CSMD1: variants seen among roughly 807,000 people sequenced by gnomAD.
CSMD1 encodes CUB and Sushi multiple domains 1, also known as CUB and sushi domain-containing protein 1.
A neutral mutation model predicts 417.5 loss-of-function variants in CSMD1; 213 were observed. The ratio of observed to expected loss-of-function variants is 0.51; its 90% CI spans 0.46 to 0.57. CSMD1 has a LOEUF of 0.57. CSMD1 is among the 20% of genes least tolerant of loss of function. CSMD1 has a pLI of 0.00. For missense variants in CSMD1, 6,923 were observed against 4,529.7 expected (o/e 1.53, Z -15.17); for synonymous variants, 2,862 against 1,736.8 (o/e 1.65, Z -16.11).
chr8:3,095,442 T>C (rs1046490880), intron 47 of CSMD1, among the ~76,000 whole-genome samples: 9 of 152,194 alleles, frequency 5.9e-5, no homozygotes, highest in African/African-American at 1.9e-4. Flanking sequence ...TTTGTTTTAA[T>C]ATACACATTT....
intron 50 of CSMD1, among the ~76,000 whole-genome samples, chr8:3,049,110 G>T (rs1353176660): frequency 6.6e-6 from 1 of 152,130 alleles, no homozygotes; most frequent in African/African-American, 2.4e-5. Context: ...TGGGGCAACA[G>T]GAACTCTCAC....
At chr8:3,401,570 T>C (rs1812040574) in intron 15 of CSMD1, among the ~76,000 whole-genome samples, 1 of 152,182 alleles carries the variant, frequency 6.6e-6, no homozygotes, top group Admixed American at 6.5e-5. Flanking sequence ...TTAGTCAGTT[T>C]GGATTAGATT....
intron 7 of CSMD1, among the ~76,000 whole-genome samples, chr8:3,624,266 G>C (rs937694100): frequency 6.6e-6 from 1 of 152,114 alleles, no homozygotes; most frequent in East Asian, 1.9e-4. Context: ...CCATCTGTTA[G>C]CAAATTTCCT....
chr8:4,242,037 G>C (rs988464575), intron 3 of CSMD1, among the ~76,000 whole-genome samples: 11 of 152,074 alleles, frequency 7.2e-5, no homozygotes, highest in African/African-American at 2.4e-4. Context: ...AATACCTTTT[G>C]ACTTTGTGAA....
At chr8:4,258,199 C>T (rs373596341) in intron 3 of CSMD1, among the ~76,000 whole-genome samples, 3 of 149,810 alleles carry the variant, frequency 2.0e-5, no homozygotes, top group African/African-American at 4.9e-5. Flanking sequence ...CCTGGCTTGG[C>T]CTTCCAAAGT....
At chr8:4,858,864 C>T (rs1447095798) in intron 1 of CSMD1, among the ~76,000 whole-genome samples, 4 of 149,406 alleles carry the variant, frequency 2.7e-5, no homozygotes, top group Non-Finnish European at 3.0e-5. Flanking sequence ...AGATTCAATG[C>T]CATCCCCATC....
At chr8:4,199,895 A>C (rs1449860058) in intron 3 of CSMD1, among the ~76,000 whole-genome samples, 1 of 152,158 alleles carries the variant, frequency 6.6e-6, no homozygotes, top group Non-Finnish European at 1.5e-5. Flanking sequence ...CCTTAGTGGA[A>C]GACAAGTCAT....
chr8:3,973,737 T>C lies in CSMD1; in HGVS notation c.818+24166A>G, dbSNP rs193201272. ...CTTTGCAAGAACAGTGGCTATTTCA[T>C]TGATACACTAATGCAAACCAACCAG... On this transcript the variant is annotated intron_variant, in intron 5 of 69. Transcript: ENST00000635120. Among the ~76,000 whole-genome samples, 693 of 152,330 alleles carry C rather than the reference T, an allele frequency of 4.5e-3. 6 individuals are homozygous for C. The highest frequency in any genetic ancestry group is 0.012 in the African/African-American group (483 of 41,586).
intron 33 of CSMD1, among the ~76,000 whole-genome samples, chr8:3,197,397 G>T (rs1796759077): frequency 6.7e-6 from 1 of 150,018 alleles, no homozygotes; most frequent in Admixed American, 6.7e-5. Flanking sequence ...GTTTATGAAT[G>T]AATGAAGCTG....
At chr8:4,069,073 C>T (rs980360638) in intron 3 of CSMD1, among the ~76,000 whole-genome samples, 1 of 152,098 alleles carries the variant, frequency 6.6e-6, no homozygotes, top group African/African-American at 2.4e-5. Context: ...CTTCTTAAAA[C>T]AATTTTATTA....
At chr8:4,344,615 A>C (rs1800676537) in intron 3 of CSMD1, among the ~76,000 whole-genome samples, 1 of 151,856 alleles carries the variant, frequency 6.6e-6, no homozygotes, top group South Asian at 2.1e-4. Context: ...GAGTTACACT[A>C]CCGCTATGCT....
intron 6 of CSMD1, among the ~76,000 whole-genome samples, chr8:3,732,692 A>G (rs549277856): frequency 6.6e-6 from 1 of 152,142 alleles, no homozygotes; most frequent in African/African-American, 2.4e-5. Context: ...AGACAGAAAA[A>G]AAGAAAAGTA....
rs192147529 is a variant in CSMD1, at chr8:4,416,758, C to T, written c.415+3195G>A. ...ATATGTGTCAGCCTTTGTCTCATGT[C>T]AATTTTCTGACTTCCTAGATGTTTT... On this transcript the variant is annotated intron_variant, in intron 3 of 69. Coordinates refer to ENST00000635120, the MANE Select transcript of CSMD1 (RefSeq NM_033225.6). Among the ~76,000 whole-genome samples, 585 of 152,138 alleles carry T rather than the reference C, an allele frequency of 3.8e-3. 4 individuals are homozygous for T. The Middle Eastern group carries it at 0.041, about 11-fold the overall frequency.
chr8:4,217,984 T>C (rs1401254353), intron 3 of CSMD1, among the ~76,000 whole-genome samples: 1 of 152,092 alleles, frequency 6.6e-6, no homozygotes, highest in Admixed American at 6.5e-5. Context: ...TGGGAAACAG[T>C]GAAGAAGAAA....
At chr8:4,601,107 C>A (rs185627342) in intron 2 of CSMD1, among the ~76,000 whole-genome samples, 38 of 152,226 alleles carry the variant, frequency 2.5e-4, no homozygotes, top group African/African-American at 8.9e-4. Flanking sequence ...CAGGCATGCG[C>A]CACCACGCCT....
At chr8:4,914,458 G>A (rs10094737) in intron 1 of CSMD1, among the ~76,000 whole-genome samples, 14,441 of 151,700 alleles carry the variant, frequency 0.095, 1,189 homozygotes, top group African/African-American at 0.22. Flanking sequence ...GGCCCCTGTA[G>A]TCCCAGCTAC....
chr8:4,600,947 C>G (rs895151147), intron 2 of CSMD1, among the ~76,000 whole-genome samples: 1 of 139,846 alleles, frequency 7.2e-6, no homozygotes, highest in Non-Finnish European at 1.5e-5. Flanking sequence ...AAATTTCCCT[C>G]TTAATTAGAT....
rs371254721 is a variant in CSMD1 at position 4,634,178 on chromosome 8, T to C, written c.302+3164A>G. Among the ~76,000 whole-genome samples the C allele has an allele frequency of 4.3e-4, 65 of 152,268 alleles. 1 individual carries two copies. The East Asian group carries it at 0.012, about 27-fold the overall frequency. The stretch of plus-strand genomic sequence containing the variant: ...GATGGGTGCCCAAATCATATATGTA[T>C]TGTTGGTGTGTTTGTACTAAAGAAA... On this transcript the variant is annotated intron_variant, in intron 2 of 69. Coordinates refer to ENST00000635120, the MANE Select transcript of CSMD1 (RefSeq NM_033225.6).
At chr8:4,177,055 G>A (rs1308188740) in intron 3 of CSMD1, among the ~76,000 whole-genome samples, 13 of 152,112 alleles carry the variant, frequency 8.5e-5, no homozygotes. Context: ...TCCAGGAATT[G>A]AACTCATCTC....
Sources: gnomAD v4.1 joint callset for allele counts (sites outside exome capture counted in the v4.1 genomes callset) on GRCh38, gnomAD v4.1.1 for gene constraint, MANE v1.5 for transcripts, NCBI Gene and HGNC (gene_info 2026-07-23, HGNC 2026-07-21) for gene names.